PYHIN1: variants seen among roughly 807,000 people sequenced by gnomAD.
The protein encoded by PYHIN1 is pyrin and HIN domain family member 1, also known as pyrin and HIN domain-containing protein 1.
Under a neutral mutation model 43.7 loss-of-function variants are expected in PYHIN1, and 32 were observed. That is an observed-to-expected ratio of 0.73 (90% confidence interval 0.55 to 0.98). PYHIN1 has a LOEUF of 0.98. Ranked by LOEUF, PYHIN1 falls within the 50% of genes least tolerant of loss-of-function variation. The pLI is 0.00. For synonymous variants in PYHIN1, 205 were observed against 203.1 expected (o/e 1.01, Z -0.08); for missense variants, 588 against 589.5 (o/e 1.00, Z 0.03).
At chr1:158,966,833 T>G (rs756891926) in intron 7 of PYHIN1, among the ~76,000 whole-genome samples, 2 of 152,108 alleles carry the variant, frequency 1.3e-5, no homozygotes, top group Non-Finnish European at 2.9e-5. Flanking sequence ...ACCATTCCTA[T>G]TCAATAGAGT....
At position 158,937,112 on chromosome 1, in the gene PYHIN1, T is replaced by A; in HGVS notation, c.202T>A (p.Phe68Ile). Residue 68 changes from phenylalanine (F) to isoleucine (I), a missense_variant, in exon 2 of 9, where the codon TTC becomes ATC. By Grantham distance (21) the Phe-to-Ile change is conservative. Coordinates refer to ENST00000368140, the MANE Select transcript of PYHIN1 (RefSeq NM_152501.5). Reference protein sequence around the residue: ...GDAGLGKLIEFFKEIPTLGDL... With the variant: ...GDAGLGKLIEIFKEIPTLGDL... Reference sequence around the variant, plus strand: ...TGCCGGTTTGGGCAAACTAATAGAATTCTTCAAAGAAATACCAACACTGGG... The same window carrying A: ...TGCCGGTTTGGGCAAACTAATAGAAATCTTCAAAGAAATACCAACACTGGG... 2 of 1,612,730 alleles carry A rather than the reference T, an allele frequency of 1.2e-6. No individual in the cohort carries two copies. Among genetic ancestry groups the A allele is most frequent in the Non-Finnish European group, 1.7e-6 (2 of 1,179,596 alleles).
chr1:158,958,784 T>A (rs200970687), intron 7 of PYHIN1, among the ~76,000 whole-genome samples: 3 of 110,730 alleles, frequency 2.7e-5, no homozygotes, highest in Admixed American at 9.7e-5. Context: ...AAAAAATAAA[T>A]TAAAAAAAAA....
Position 158,939,091 on chromosome 1 carries a change from A to C in PYHIN1, c.423A>C (p.Lys141Asn), listed in dbSNP as rs144650936. The change falls in exon 4 of 9, where the codon AAA becomes AAC. Residue 141 changes from lysine (K) to asparagine (N), a missense_variant. Transcript: ENST00000368140. ...TAAACTACTTGTAGAAAAGAAAAAA[A>C]CCATCTGAAGAAGAGACTGGAACCA... ...EETLGPQKRKKPSEEETGTKR... is the reference protein window; with the variant it reads ...EETLGPQKRKNPSEEETGTKR... 825 of 1,581,564 alleles carry C rather than the reference A, an allele frequency of 5.2e-4. 1 individual carries two copies. The highest frequency in any genetic ancestry group is 6.6e-4 in the Non-Finnish European group (778 of 1,171,040).
chr1:158,938,960 T>G lies in PYHIN1; in HGVS notation c.412-120T>G, dbSNP rs192564340. Reference sequence around the variant, plus strand: ...CATGTTCTTTCAATTGGCCTGGGGATGTACTTAAGTTTCCAAGAAAAACAA... The same window carrying G: ...CATGTTCTTTCAATTGGCCTGGGGAGGTACTTAAGTTTCCAAGAAAAACAA... On this transcript the variant is annotated intron_variant, in intron 3 of 8. Coordinates refer to ENST00000368140, the MANE Select transcript of PYHIN1 (RefSeq NM_152501.5). The G allele has an allele frequency of 1.4e-5, 10 of 689,758 alleles. No individual in the cohort carries two copies. The African/African-American group carries it at 1.5e-4, about 10-fold the overall frequency. 42.7% of individuals were successfully genotyped at this position (689,758 alleles called of 1,614,324 possible). A position where few individuals can be genotyped will look rare whatever the true frequency, so the allele number is the denominator to read the frequency against.
intron 7 of PYHIN1, among the ~76,000 whole-genome samples, chr1:158,972,239 ACAAACCCCAT>A (rs1650973648): frequency 6.6e-6 from 1 of 152,052 alleles, no homozygotes; most frequent in Non-Finnish European, 1.5e-5. Context: ...AGAAAATGTC[ACAAACCCCAT>A]CTGGTAGTTC....
intron 1 of PYHIN1, among the ~76,000 whole-genome samples, chr1:158,935,955 A>T (rs1648511742): frequency 6.6e-6 from 1 of 152,184 alleles, no homozygotes; most frequent in Non-Finnish European, 1.5e-5. Context: ...GGGATGAATT[A>T]CTTGGACATT....
the PYHIN1 span, among the ~76,000 whole-genome samples, chr1:158,984,284 G>A: frequency 6.6e-6 from 1 of 151,882 alleles, no homozygotes; most frequent in Non-Finnish European, 1.5e-5. Flanking sequence ...TAGGCCTTTA[G>A]TGCTATAAAC....
chr1:158,952,116 T>TG (rs1276812984), intron 7 of PYHIN1, among the ~76,000 whole-genome samples: 1 of 149,236 alleles, frequency 6.7e-6, no homozygotes, highest in Non-Finnish European at 1.5e-5. Flanking sequence ...CGGTTTTTTT[T>TG]TTTTTTTTTT....
chr1:158,938,904 G>T (rs925200136), intron 3 of PYHIN1, among the ~76,000 whole-genome samples, 176 bp from the exon 4 acceptor site: 4 of 152,110 alleles, frequency 2.6e-5, no homozygotes, highest in Non-Finnish European at 5.9e-5. Flanking sequence ...TACTTTCTCT[G>T]CTCCCTTTTT....
chr1:158,935,353 G>A (rs1648467207), intron 1 of PYHIN1, among the ~76,000 whole-genome samples: 1 of 150,336 alleles, frequency 6.7e-6, no homozygotes, highest in South Asian at 2.1e-4. Context: ...AATACAAGAA[G>A]CAAGGAATGT....
downstream of PYHIN1, among the ~76,000 whole-genome samples, chr1:158,977,726 C>A (rs1287857463): frequency 1.3e-5 from 2 of 152,076 alleles, no homozygotes; most frequent in Non-Finnish European, 2.9e-5. Context: ...ACAGTTTTCT[C>A]CTTTTTACTC....
chr1:158,956,871 G>T (rs1184863977), intron 7 of PYHIN1, among the ~76,000 whole-genome samples: 1 of 127,990 alleles, frequency 7.8e-6, no homozygotes, highest in Non-Finnish European at 1.7e-5. Flanking sequence ...TCTCAGCCCA[G>T]AATCTCCTTA....
At chr1:158,960,290 C>A (rs1281548836) in intron 7 of PYHIN1, among the ~76,000 whole-genome samples, 1 of 152,218 alleles carries the variant, frequency 6.6e-6, no homozygotes, top group African/African-American at 2.4e-5. Flanking sequence ...TTGGCCACTT[C>A]AATATCCACT....
the PYHIN1 span, among the ~76,000 whole-genome samples, chr1:158,982,165 T>G: frequency 1.3e-5 from 2 of 152,204 alleles, no homozygotes; most frequent in Non-Finnish European, 2.9e-5. Context: ...ATTTTTGTTG[T>G]TGTTGCTACA....
chr1:158,940,009 A>T (rs1648815206), intron 4 of PYHIN1: 1 of 155,462 alleles, frequency 6.4e-6, no homozygotes, highest in Non-Finnish European at 1.4e-5. Flanking sequence ...GGATTGCCTG[A>T]GGTCAGGAGT....
At position 158,933,945 on chromosome 1, in the gene PYHIN1, G is replaced by T. The variant is rs1278210735; in HGVS notation, c.-21+2169G>T. On this transcript the variant is annotated intron_variant, in intron 1 of 8. Coordinates refer to ENST00000368140, the MANE Select transcript of PYHIN1 (RefSeq NM_152501.5). The surrounding 1 kb of genome is among the most constrained non-coding windows in gnomAD (Gnocchi z 6.3). ...GAAAAGTACTTCCAAAAATGTTTCT[G>T]TGTGCATCTTTGTCTGGAAAAACTA... Among the ~76,000 whole-genome samples, 1 of 151,842 alleles carries T rather than the reference G, an allele frequency of 6.6e-6. No individual in the cohort carries two copies. Among genetic ancestry groups the T allele is most frequent in the Non-Finnish European group, 1.5e-5 (1 of 67,946 alleles).
At chr1:158,963,033 G>A (rs1440664562) in intron 7 of PYHIN1, among the ~76,000 whole-genome samples, 3 of 152,034 alleles carry the variant, frequency 2.0e-5, no homozygotes, top group Non-Finnish European at 2.9e-5. Flanking sequence ...AATCCTCAGT[G>A]CCCCACTCCT....
At chr1:158,972,422 T>C (rs1650985492) in intron 7 of PYHIN1, among the ~76,000 whole-genome samples, 1 of 152,160 alleles carries the variant, frequency 6.6e-6, no homozygotes, top group Non-Finnish European at 1.5e-5. Flanking sequence ...TAATCAGAGA[T>C]GCTACTAGAT....
downstream of PYHIN1, among the ~76,000 whole-genome samples, chr1:158,980,243 T>C (rs1444620805): frequency 2.0e-5 from 3 of 152,190 alleles, no homozygotes; most frequent in African/African-American, 7.2e-5. Flanking sequence ...GGATGTATCT[T>C]ATCTCAGGAC....
Sources: allele counts gnomAD v4.1 joint callset (sites outside exome capture counted in the v4.1 genomes callset), GRCh38; gene constraint gnomAD v4.1.1; non-coding constraint Gnocchi (gnomAD v3.1); transcripts MANE v1.5; gene names NCBI Gene and HGNC (gene_info 2026-07-23, HGNC 2026-07-21).